LRP1B: variants seen among roughly 807,000 people sequenced by gnomAD.
LRP1B encodes LDL receptor related protein 1B.
Under a neutral mutation model 556.6 loss-of-function variants are expected in LRP1B, and 217 were observed. The ratio of observed to expected loss-of-function variants is 0.39; its 90% CI spans 0.35 to 0.44. The LOEUF (loss-of-function observed/expected upper bound fraction) is 0.44, where lower values mean the gene tolerates loss of function less well. Ranked by LOEUF, LRP1B falls within the 20% of genes least tolerant of loss-of-function variation. The pLI is 1.00. For synonymous variants in LRP1B, 2,047 were observed against 1,865.8 expected, an observed-to-expected ratio of 1.10 and a Z score of -2.50; for missense variants, 5,053 against 5,620.8, an observed-to-expected ratio of 0.90 and a Z score of 3.23.
intron 24 of LRP1B, among the ~76,000 whole-genome samples, chr2:140,885,600 C>A (rs1693611029): frequency 6.6e-6 from 1 of 151,976 alleles, no homozygotes; most frequent in South Asian, 2.1e-4. Context: ...ATCTGCCTGC[C>A]TCGGCCTCCC....
At chr2:141,521,615 T>C (rs905047038) in intron 2 of LRP1B, among the ~76,000 whole-genome samples, 1 of 152,038 alleles carries the variant, frequency 6.6e-6, no homozygotes. Context: ...AAAACAATCA[T>C]ATATAGTTAT....
At chr2:141,338,172 C>T (rs1433036378) in intron 3 of LRP1B, among the ~76,000 whole-genome samples, 4 of 152,082 alleles carry the variant, frequency 2.6e-5, no homozygotes, top group African/African-American at 7.2e-5. Flanking sequence ...TGTATTAGCT[C>T]GATTCTCAAA....
At chr2:141,988,347 A>G (rs1239696255) in intron 1 of LRP1B, among the ~76,000 whole-genome samples, 1 of 151,884 alleles carries the variant, frequency 6.6e-6, no homozygotes, top group Non-Finnish European at 1.5e-5. Context: ...GTTGTAGAAT[A>G]GATTCAAGCA....
At chr2:141,844,546 T>C (rs1697579922) in intron 1 of LRP1B, among the ~76,000 whole-genome samples, 1 of 152,220 alleles carries the variant, frequency 6.6e-6, no homozygotes, top group East Asian at 1.9e-4. Context: ...ATATGGTAAA[T>C]AGGCAACACG....
At chr2:142,006,811 G>A (rs1043690171) in intron 1 of LRP1B, among the ~76,000 whole-genome samples, 1 of 151,898 alleles carries the variant, frequency 6.6e-6, no homozygotes, top group African/African-American at 2.4e-5. Context: ...TTCCCACAGT[G>A]CTGATGTTTT....
intron 43 of LRP1B, among the ~76,000 whole-genome samples, chr2:140,588,181 A>C (rs1682064151): frequency 6.6e-6 from 1 of 152,194 alleles, no homozygotes; most frequent in African/African-American, 2.4e-5. Flanking sequence ...GGTACATAAA[A>C]GTAGGCTTTC....
intron 41 of LRP1B, among the ~76,000 whole-genome samples, chr2:140,610,708 C>G (rs1289155350): frequency 6.6e-6 from 1 of 152,232 alleles, no homozygotes; most frequent in East Asian, 1.9e-4. Context: ...GCCTCAGCCT[C>G]CTGAGTAGCT....
intron 3 of LRP1B, among the ~76,000 whole-genome samples, chr2:141,429,028 A>G (rs1680473360): frequency 6.6e-6 from 1 of 152,182 alleles, no homozygotes; most frequent in Non-Finnish European, 1.5e-5. Flanking sequence ...GGTGCCATTT[A>G]TGTCACACTT....
Position 141,488,965 on chromosome 2 carries a change from G to GT in LRP1B, c.206-8433dup, listed in dbSNP as rs751786929. 4.4e-4 allele frequency among the ~76,000 whole-genome samples: 49 copies of GT among 111,022 alleles called. No individual in the cohort carries two copies. The South Asian group carries it at 7.3e-3, about 17-fold the overall frequency. The allele number at this position is 111,022 out of a possible 152,430, so 72.8% of individuals were successfully genotyped here. Reference sequence around the variant, plus strand: ...TAAGTGTGTTCTTTTACATGGGTTTGTTTTTTTTTGTTTGTTTGTTTGTTT... The same window carrying GT: ...TAAGTGTGTTCTTTTACATGGGTTTGTTTTTTTTTTGTTTGTTTGTTTGTTT... On this transcript the variant is annotated intron_variant, in intron 2 of 90. Coordinates refer to ENST00000389484, the MANE Select transcript of LRP1B (RefSeq NM_018557.3).
In LRP1B at chr2:141,038,325, G is replaced by A. The variant is rs542723418; in HGVS notation, c.1789+10661C>T. On this transcript the variant is annotated intron_variant, in intron 11 of 90. Coordinates refer to ENST00000389484, the MANE Select transcript of LRP1B (RefSeq NM_018557.3). ...TTTGTGTGTATATATGGTGGACTAT[G>A]CATTCTAATGACCAAATTGAGATTT... is the stretch of plus-strand genomic sequence containing the variant. Among the ~76,000 whole-genome samples, 4 of 152,152 alleles carry A rather than the reference G, an allele frequency of 2.6e-5. No individual in the cohort carries two copies. The East Asian group carries it at 7.7e-4, about 29-fold the overall frequency.
intron 1 of LRP1B, among the ~76,000 whole-genome samples, chr2:142,071,003 G>C (rs997000557): frequency 6.6e-6 from 1 of 151,776 alleles, no homozygotes; most frequent in Non-Finnish European, 1.5e-5. Context: ...ATTGAGAAAG[G>C]CGAAGTTAAT....
At chr2:141,091,540 G>A (rs894289642) in intron 7 of LRP1B, among the ~76,000 whole-genome samples, 6 of 152,076 alleles carry the variant, frequency 3.9e-5, no homozygotes, top group African/African-American at 1.4e-4. Context: ...AGTTGTGCAC[G>A]TGAGGTGACT....
chr2:140,681,598 C>A (rs1322417052), intron 41 of LRP1B, among the ~76,000 whole-genome samples: 1 of 151,628 alleles, frequency 6.6e-6, no homozygotes, highest in Non-Finnish European at 1.5e-5. Context: ...GAATATTTGG[C>A]AAATTGAATT....
At chr2:141,905,153 C>T (rs924089755) in intron 1 of LRP1B, among the ~76,000 whole-genome samples, 3 of 151,856 alleles carry the variant, frequency 2.0e-5, no homozygotes, top group African/African-American at 4.8e-5. Flanking sequence ...TGAAAAACTC[C>T]GCAGAGTTAG....
chr2:140,870,182 A>C lies in LRP1B; in HGVS notation c.4170-1919T>G, dbSNP rs143825434. 1.4e-4 allele frequency among the ~76,000 whole-genome samples: 21 copies of C among 152,258 alleles called. No homozygotes were observed. The East Asian group carries it at 4.1e-3, about 29-fold the overall frequency. On this transcript the variant is annotated intron_variant, in intron 25 of 90. Coordinates refer to ENST00000389484, the MANE Select transcript of LRP1B (RefSeq NM_018557.3). ...ATCACCACACCCAGACAGACTTTTC[A>C]TCTATTGTTCTGAAGGAAGCTCTGA...
At chr2:140,836,368 G>T (rs567021963) in intron 31 of LRP1B, among the ~76,000 whole-genome samples, 26 of 152,260 alleles carry the variant, frequency 1.7e-4, no homozygotes, top group South Asian at 1.7e-3. Flanking sequence ...GATTTGTTCG[G>T]TTCCTCAAAT....
chr2:141,167,543 T>C (rs1680324158), intron 7 of LRP1B, among the ~76,000 whole-genome samples: 1 of 151,842 alleles, frequency 6.6e-6, no homozygotes, highest in Non-Finnish European at 1.5e-5. Context: ...TATAAGATAG[T>C]CATCAACTAA....
At position 140,896,037 on chromosome 2, in the gene LRP1B, T is replaced by G. The variant is rs190277628; in HGVS notation, c.3766+6883A>C. Among the ~76,000 whole-genome samples the G allele has an allele frequency of 7.5e-3, 1,142 of 152,184 alleles. 14 individuals carry two copies. The highest frequency in any genetic ancestry group is 0.018 in the Admixed American group (268 of 15,276). On this transcript the variant is annotated intron_variant, in intron 23 of 90. Transcript: ENST00000389484. The stretch of plus-strand genomic sequence containing the variant: ...CTCACTTTGGGCCACGGGTCCAAGC[T>G]TGAGGGTGGGGACCTCACGGGGAAC...
chr2:141,777,599 G>A (rs1695120488), intron 2 of LRP1B, among the ~76,000 whole-genome samples: 1 of 152,086 alleles, frequency 6.6e-6, no homozygotes, highest in East Asian at 1.9e-4. Context: ...ATTTTTAGTA[G>A]AGACGGAGTT....
Sources: gnomAD v4.1 joint callset for allele counts (sites outside exome capture counted in the v4.1 genomes callset) on GRCh38, gnomAD v4.1.1 for gene constraint, MANE v1.5 for transcripts, NCBI Gene and HGNC (gene_info 2026-07-23, HGNC 2026-07-21) for gene names.